The following SLC1A3 variants were observed in gnomAD, a reference collection of about 807,000 sequenced individuals.
SLC1A3 encodes solute carrier family 1 member 3, also known as excitatory amino acid transporter 1.
SLC1A3 carries 21 observed loss-of-function variants against 48.1 expected under a neutral mutation model. The observed-to-expected ratio is 0.44, with a 90% CI of 0.31 to 0.63. SLC1A3 has a LOEUF of 0.63. Ranked by LOEUF, SLC1A3 falls within the 20% of genes least tolerant of loss-of-function variation. The probability of loss-of-function intolerance (pLI) is 0.08; values close to 1 mark genes in which losing one functional copy is unlikely to be tolerated. For missense variants in SLC1A3, 546 were observed against 689.0 expected (o/e 0.79, Z 2.32); for synonymous variants, 239 against 251.4 (o/e 0.95, Z 0.47).
intron 3 of SLC1A3, among the ~76,000 whole-genome samples, chr5:36,660,264 A>T (rs138999753): frequency 6.6e-6 from 1 of 152,156 alleles, no homozygotes; most frequent in Non-Finnish European, 1.5e-5. Context: ...TCCTTTCTCT[A>T]TACGCCTTCC....
intron 2 of SLC1A3, among the ~76,000 whole-genome samples, chr5:36,613,708 T>G (rs570175247): frequency 3.9e-5 from 6 of 152,100 alleles, no homozygotes; most frequent in Non-Finnish European, 8.8e-5. Flanking sequence ...AAGCTGGGGG[T>G]AGGGGGATCC....
intron 2 of SLC1A3, among the ~76,000 whole-genome samples, chr5:36,619,455 C>T (rs981690957): frequency 6.6e-6 from 1 of 152,096 alleles, no homozygotes; most frequent in Admixed American, 6.6e-5. Context: ...GCCTGGGCAA[C>T]ATAGTGAGAC....
chr5:36,598,615 TAAAATAAGCA>T (rs1042313079), intron 1 of SLC1A3, among the ~76,000 whole-genome samples: 1 of 152,190 alleles, frequency 6.6e-6, no homozygotes, highest in Non-Finnish European at 1.5e-5. Flanking sequence ...CTAGTTACAT[TAAAATAAGCA>T]AAAATAAGCA....
At chr5:36,677,859 T>G (rs1355866599) in intron 6 of SLC1A3, among the ~76,000 whole-genome samples, 1 of 152,230 alleles carries the variant, frequency 6.6e-6, no homozygotes, top group East Asian at 1.9e-4. Context: ...GCTCCTCATC[T>G]GTTTCAGCCC....
chr5:36,667,248 A>G (rs1363402715), intron 3 of SLC1A3, among the ~76,000 whole-genome samples: 5 of 152,200 alleles, frequency 3.3e-5, no homozygotes, highest in Non-Finnish European at 5.9e-5. Context: ...TCAGCTCTCT[A>G]GCTAGTCCTT....
In SLC1A3 at chr5:36,686,655, G is replaced by T; in HGVS notation, c.*386G>T. 1 of 269,712 alleles carries T rather than the reference G, an allele frequency of 3.7e-6. No individual in the cohort carries two copies. 16.7% of individuals were successfully genotyped at this position (269,712 alleles called of 1,614,324 possible). On this transcript the variant is annotated 3_prime_UTR_variant, in exon 10 of 10. Transcript: ENST00000265113. Reference sequence around the variant, plus strand: ...ACTTTTGAAATTTAAAAATCTTTCAGAATACAATTCAGTTTTAGTTTCAAA... The same window carrying T: ...ACTTTTGAAATTTAAAAATCTTTCATAATACAATTCAGTTTTAGTTTCAAA...
intron 3 of SLC1A3, among the ~76,000 whole-genome samples, chr5:36,661,406 C>T (rs943210193): frequency 2.6e-5 from 4 of 152,122 alleles, no homozygotes; most frequent in South Asian, 2.1e-4. Flanking sequence ...AGCGAGACTC[C>T]GTCTCAAAGA....
At chr5:36,673,888 G>T (rs1393018832) in intron 4 of SLC1A3, among the ~76,000 whole-genome samples, 161 bp from the exon 5 acceptor site, 1 of 152,118 alleles carries the variant, frequency 6.6e-6, no homozygotes, top group African/African-American at 2.4e-5. Context: ...ACTTAGGGAG[G>T]ACCATATATT....
chr5:36,597,870 G>T (rs1369446594), intron 1 of SLC1A3, among the ~76,000 whole-genome samples: 1 of 152,190 alleles, frequency 6.6e-6, no homozygotes. Flanking sequence ...CCCACAACTG[G>T]AATGAATTCA....
intron 3 of SLC1A3, among the ~76,000 whole-genome samples, chr5:36,644,847 C>A (rs537280459): frequency 6.6e-6 from 1 of 152,166 alleles, no homozygotes; most frequent in Admixed American, 6.5e-5. Context: ...ATTCCTCAGC[C>A]GCCCCTGTGG....
intron 3 of SLC1A3, among the ~76,000 whole-genome samples, chr5:36,660,816 G>A (rs1437959758): frequency 6.6e-6 from 1 of 152,208 alleles, no homozygotes; most frequent in African/African-American, 2.4e-5. Context: ...CTGAAAGGGG[G>A]TGCCGTTGGC....
intron 3 of SLC1A3, among the ~76,000 whole-genome samples, chr5:36,639,967 A>T (rs1235895000): frequency 6.6e-6 from 1 of 152,178 alleles, no homozygotes; most frequent in Non-Finnish European, 1.5e-5. Flanking sequence ...TGTGCACCAT[A>T]AAGCCAAGTA....
chr5:36,653,675 G>A (rs1741174875), intron 3 of SLC1A3, among the ~76,000 whole-genome samples: 1 of 152,144 alleles, frequency 6.6e-6, no homozygotes, highest in African/African-American at 2.4e-5. Context: ...TCAACCTGAT[G>A]CACTGTTCTG....
rs1412221514 is a variant in SLC1A3 at position 36,687,798 on chromosome 5, C to G, written c.*1529C>G. Reference sequence around the variant, plus strand: ...AAACAGCAGGGGCATTAGTTTCAGGCAAGGCAGCTCCCAGGTTTAGAGATT... The same window carrying G: ...AAACAGCAGGGGCATTAGTTTCAGGGAAGGCAGCTCCCAGGTTTAGAGATT... On this transcript the variant is annotated 3_prime_UTR_variant, in exon 10 of 10. Transcript: ENST00000265113. 1 of 152,582 alleles carries G rather than the reference C, an allele frequency of 6.6e-6. No homozygotes were observed. Among genetic ancestry groups the G allele is most frequent in the East Asian group, 1.9e-4 (1 of 5,190 alleles). The allele number at this position is 152,582 out of a possible 1,614,324, so 9.5% of individuals were successfully genotyped here.
upstream of SLC1A3, among the ~76,000 whole-genome samples, chr5:36,602,899 C>T (rs1406060015): frequency 1.3e-5 from 2 of 152,210 alleles, no homozygotes; most frequent in African/African-American, 4.8e-5. Flanking sequence ...AGAGTGCACA[C>T]TCCACCTACA....
At chr5:36,679,495 GTCC>G (rs1742344952) in intron 6 of SLC1A3, 129 bp from the exon 7 acceptor site, 1 of 745,252 alleles carries the variant, frequency 1.3e-6, no homozygotes, top group African/African-American at 1.7e-5. Flanking sequence ...GTTTCTGTAA[GTCC>G]TAATGGTATC....
At chr5:36,654,873 CTG>C (rs1259686597) in intron 3 of SLC1A3, among the ~76,000 whole-genome samples, 1 of 152,158 alleles carries the variant, frequency 6.6e-6, no homozygotes, top group Non-Finnish European at 1.5e-5. Context: ...ATGTTTGCAT[CTG>C]AAAAGGTAAA....
intron 3 of SLC1A3, among the ~76,000 whole-genome samples, chr5:36,637,010 T>A (rs1445058677): frequency 1.3e-5 from 2 of 152,310 alleles, no homozygotes; most frequent in East Asian, 3.9e-4. Context: ...GATGGCAGTC[T>A]TTCAGATGGT....
intron 1 of SLC1A3, among the ~76,000 whole-genome samples, chr5:36,600,428 A>G (rs78143277): frequency 0.051 from 7,687 of 152,200 alleles, 258 homozygotes; most frequent in Non-Finnish European, 0.077. Context: ...GTCTCCATGC[A>G]TTTTTCTCTA....
Sources: allele counts gnomAD v4.1 joint callset (sites outside exome capture counted in the v4.1 genomes callset), GRCh38; gene constraint gnomAD v4.1.1; transcripts MANE v1.5; gene names NCBI Gene and HGNC (gene_info 2026-07-23, HGNC 2026-07-21).